Variants in GALNT13 observed in about 807,000 individuals in gnomAD.
The protein encoded by GALNT13 is polypeptide N-acetylgalactosaminyltransferase 13.
Under a neutral mutation model 64.2 loss-of-function variants are expected in GALNT13, and 28 were observed. The observed-to-expected ratio is 0.44, with a 90% CI of 0.32 to 0.60. GALNT13 has a LOEUF of 0.60. Among genes scored for constraint, GALNT13 ranks in the 20% least tolerant of loss-of-function variants. The pLI, the probability that GALNT13 is intolerant of heterozygous loss-of-function variation, is 0.05. For synonymous variants in GALNT13, 214 were observed against 224.6 expected, an observed-to-expected ratio of 0.95 and a Z score of 0.42; for missense variants, 577 against 669.8, an observed-to-expected ratio of 0.86 and a Z score of 1.53.
the GALNT13 span, among the ~76,000 whole-genome samples, chr2:153,675,349 T>C: frequency 6.6e-6 from 1 of 152,154 alleles, no homozygotes; most frequent in Admixed American, 6.5e-5. Context: ...ATATACACCA[T>C]GGAATACTAT....
At chr2:154,049,054 T>C (rs1427658529) in intron 3 of GALNT13, among the ~76,000 whole-genome samples, 3 of 152,110 alleles carry the variant, frequency 2.0e-5, no homozygotes, top group Non-Finnish European at 4.4e-5. Flanking sequence ...AAAAAATAAG[T>C]ATGCTTGCAT....
the GALNT13 span, among the ~76,000 whole-genome samples, chr2:153,307,533 C>T: frequency 5.9e-4 from 89 of 151,960 alleles, 1 homozygote; most frequent in South Asian, 0.018. Context: ...AAATAAGATT[C>T]TAAATTTCAT....
At chr2:153,540,298 A>C in the GALNT13 span, among the ~76,000 whole-genome samples, 2 of 152,248 alleles carry the variant, frequency 1.3e-5, no homozygotes, top group African/African-American at 4.8e-5. Flanking sequence ...TTGGTCCTGC[A>C]GGTGCATAGA....
At chr2:154,227,731 C>CA (rs1374269095) in intron 4 of GALNT13, among the ~76,000 whole-genome samples, 8 of 151,882 alleles carry the variant, frequency 5.3e-5, no homozygotes. Context: ...TCTAATCACA[C>CA]AAAAATAGGC....
intron 9 of GALNT13, among the ~76,000 whole-genome samples, chr2:154,361,934 ATCTC>A (rs1291307752): frequency 2.6e-5 from 4 of 152,224 alleles, no homozygotes; most frequent in Admixed American, 6.5e-5. Context: ...AATATGACTC[ATCTC>A]TCAAGATAAC....
the GALNT13 span, among the ~76,000 whole-genome samples, chr2:153,408,389 A>T: frequency 6.6e-6 from 1 of 152,216 alleles, no homozygotes; most frequent in East Asian, 1.9e-4. Flanking sequence ...AGGAAATAAA[A>T]CAAGAAAAAA....
At chr2:153,555,419 C>T in the GALNT13 span, among the ~76,000 whole-genome samples, 1 of 105,244 alleles carries the variant, frequency 9.5e-6, no homozygotes, top group African/African-American at 3.8e-5. Context: ...TGGTCTCGAT[C>T]TCCTGACCTC....
At chr2:153,508,860 C>A in the GALNT13 span, among the ~76,000 whole-genome samples, 1 of 152,192 alleles carries the variant, frequency 6.6e-6, no homozygotes, top group Non-Finnish European at 1.5e-5. Context: ...TATCTGCCAT[C>A]TTCCCCCCTA....
chr2:153,092,595 C>CT, the GALNT13 span, among the ~76,000 whole-genome samples: 30,041 of 152,030 alleles, frequency 0.2, 3,308 homozygotes, highest in Non-Finnish European at 0.26. Flanking sequence ...TTATGTGTGA[C>CT]TATTGTAAAT....
intron 9 of GALNT13, among the ~76,000 whole-genome samples, chr2:154,343,638 A>G (rs552904570): frequency 2.6e-5 from 4 of 152,144 alleles, no homozygotes; most frequent in African/African-American, 9.6e-5. Context: ...TTTGACTTGA[A>G]ACTTACCTAT....
chr2:154,010,169 G>A (rs2105245236), intron 3 of GALNT13, among the ~76,000 whole-genome samples: 1 of 151,942 alleles, frequency 6.6e-6, no homozygotes, highest in East Asian at 1.9e-4. Flanking sequence ...TCTTGCCTGA[G>A]TGCCCTTGCT....
At chr2:153,875,227 A>T (rs1686277509) in intron 1 of GALNT13, among the ~76,000 whole-genome samples, 1 of 152,082 alleles carries the variant, frequency 6.6e-6, no homozygotes, top group Non-Finnish European at 1.5e-5. Context: ...ATGGGCAGCA[A>T]TACTACTTTC....
the GALNT13 span, among the ~76,000 whole-genome samples, chr2:153,232,859 G>A: frequency 6.6e-6 from 1 of 152,198 alleles, no homozygotes; most frequent in African/African-American, 2.4e-5. Flanking sequence ...CCAGCTTAGT[G>A]CTGTAGTTCA....
the GALNT13 span, among the ~76,000 whole-genome samples, chr2:153,130,523 T>A: frequency 1.5e-4 from 23 of 152,232 alleles, no homozygotes; most frequent in East Asian, 7.7e-4. Context: ...TCACCACCCA[T>A]CACAATCTGC....
chr2:153,295,100 G>C, the GALNT13 span, among the ~76,000 whole-genome samples: 1 of 152,080 alleles, frequency 6.6e-6, no homozygotes, highest in Non-Finnish European at 1.5e-5. Context: ...TGGTGTTCCA[G>C]GACTCCCTCA....
At chr2:153,618,372 G>A in the GALNT13 span, among the ~76,000 whole-genome samples, 1 of 151,748 alleles carries the variant, frequency 6.6e-6, no homozygotes, top group South Asian at 2.1e-4. Flanking sequence ...TTATTCCATT[G>A]TGATCATAGA....
At chr2:153,814,072 A>G in the GALNT13 span, among the ~76,000 whole-genome samples, 1 of 152,228 alleles carries the variant, frequency 6.6e-6, no homozygotes, top group African/African-American at 2.4e-5. Flanking sequence ...AGAGAGAACA[A>G]GAAAGTAGCA....
At chr2:154,095,524 G>A (rs11896026) in intron 3 of GALNT13, among the ~76,000 whole-genome samples, 7,620 of 151,826 alleles carry the variant, frequency 0.05, 375 homozygotes, top group African/African-American at 0.13. Flanking sequence ...ACAAGCTAAC[G>A]TTCACACATC....
chr2:153,423,107 T>TA, the GALNT13 span, among the ~76,000 whole-genome samples: 1 of 151,866 alleles, frequency 6.6e-6, no homozygotes, highest in Non-Finnish European at 1.5e-5. Context: ...GATATAAAAA[T>TA]AATAGCTTAA....
Sources: gnomAD v4.1 joint callset for allele counts (sites outside exome capture counted in the v4.1 genomes callset) on GRCh38, gnomAD v4.1.1 for gene constraint, MANE v1.5 for transcripts, NCBI Gene and HGNC (gene_info 2026-07-23, HGNC 2026-07-21) for gene names.